Variants in XBP1 observed in about 807,000 individuals in gnomAD.
XBP1 encodes X-box binding protein 1.
A neutral mutation model predicts 34.6 loss-of-function variants in XBP1; 18 were observed. The observed-to-expected ratio is 0.52, with a 90% CI of 0.36 to 0.77. The LOEUF (loss-of-function observed/expected upper bound fraction) is 0.77, where lower values mean the gene tolerates loss of function less well. XBP1 is among the 30% of genes least tolerant of loss of function. The pLI, the probability that XBP1 is intolerant of heterozygous loss-of-function variation, is 0.00. For missense variants in XBP1, 422 were observed against 464.6 expected (o/e 0.91, Z 0.84); for synonymous variants, 191 against 193.4 (o/e 0.99, Z 0.11).
chr22:28,797,426 CTACTAA>C (rs2031771098), intron 2 of XBP1, among the ~76,000 whole-genome samples: 1 of 152,150 alleles, frequency 6.6e-6, no homozygotes, highest in Non-Finnish European at 1.5e-5. Flanking sequence ...CTGCTTCCAA[CTACTAA>C]TACTGACTTC....
rs2031820271 is a variant in XBP1 at position 28,799,332 on chromosome 22, A to G, written c.228-179T>C. On this transcript the variant is annotated intron_variant, in intron 1 of 5. Coordinates refer to ENST00000344347, the Ensembl canonical transcript of XBP1. ...AAATAAAAAATACAGTCTTCTGTCAATCTAGCTCGAAGACCTGCTTTATTC... is the reference window on the plus strand; with the variant it reads ...AAATAAAAAATACAGTCTTCTGTCAGTCTAGCTCGAAGACCTGCTTTATTC... Among the ~76,000 whole-genome samples the G allele has an allele frequency of 5.3e-5, 8 of 152,246 alleles. No homozygotes were observed. The South Asian group carries it at 1.7e-3, about 31-fold the overall frequency.
At chr22:28,798,907 C>G in intron 2 of XBP1, 150 bp downstream of exon 2, 1 of 612,602 alleles carries the variant, frequency 1.6e-6, no homozygotes, top group South Asian at 2.1e-5. Context: ...AGGCATGAGC[C>G]ACCATGCCCA....
chr22:28,800,346 T>C (rs1472775618), exon 1 of XBP1: 3 of 1,549,988 alleles, frequency 1.9e-6, no homozygotes, highest in South Asian at 1.2e-5. Flanking sequence ...GCGCTGTCGC[T>C]TGCGCGCCTG....
exon 6 of XBP1, chr22:28,795,313 G>A (rs1332869158): frequency 9.0e-6 from 14 of 1,551,990 alleles, no homozygotes; most frequent in Non-Finnish European, 1.1e-5. Context: ...CATCCAGTAG[G>A]CAGGAAGATG....
chr22:28,795,207 T>C, exon 6 of XBP1: 1 of 1,526,718 alleles, frequency 6.5e-7, no homozygotes, highest in South Asian at 1.3e-5. Flanking sequence ...AAGAGTTCAT[T>C]GGCAAAAGTG....
At chr22:28,800,309 C>T (rs751894521) in exon 1 of XBP1, 2 of 1,557,278 alleles carry the variant, frequency 1.3e-6, no homozygotes, top group Non-Finnish European at 1.7e-6. Context: ...TCCTCAGCGC[C>T]TTCTCCTCGG....
At chr22:28,795,754 TG>T (rs2031738560) in intron 5 of XBP1, 22 bp from the exon 6 acceptor site, 1 of 1,519,264 alleles carries the variant, frequency 6.6e-7, no homozygotes, top group African/African-American at 1.4e-5. Flanking sequence ...AAAAATTAAA[TG>T]AAGTACAACT....
intron 2 of XBP1, 83 bp downstream of exon 2, chr22:28,798,974 C>A: frequency 8.6e-7 from 1 of 1,164,528 alleles, no homozygotes; most frequent in Non-Finnish European, 1.3e-6. Flanking sequence ...GCTGAAACAA[C>A]TTGGGATGGG....
Position 28,798,964 on chromosome 22 carries a change from G to T in XBP1, c.324+93C>A. On this transcript the variant is annotated intron_variant, in intron 2 of 5. Transcript: ENST00000344347. The stretch of plus-strand genomic sequence containing the variant: ...TATATTCAATTGTATTCTAATAGGG[G>T]CTGAAACAACTTGGGATGGGAAGCA... 2 of 1,011,260 alleles carry T rather than the reference G, an allele frequency of 2.0e-6. 1 individual carries two copies. The allele number at this position is 1,011,260 out of a possible 1,614,324, so 62.6% of individuals were successfully genotyped here.
Position 28,799,888 on chromosome 22 carries a change from C to T in XBP1, c.227+410G>A, listed in dbSNP as rs186060096. 1.8e-3 allele frequency: 1,353 copies of T among 740,464 alleles called. 4 individuals are homozygous for T. Among genetic ancestry groups the T allele is most frequent in the Admixed American group, 5.5e-3 (288 of 52,210 alleles). The allele number at this position is 740,464 out of a possible 1,614,324, so 45.9% of individuals were successfully genotyped here. ...AGTGAGCCTCGCAGAATTCCCAGCCCTTTCAACAGCTCTGTTATTTCAGCT... is the reference window on the plus strand; with the variant it reads ...AGTGAGCCTCGCAGAATTCCCAGCCTTTTCAACAGCTCTGTTATTTCAGCT... On this transcript the variant is annotated intron_variant, in intron 1 of 5. Transcript: ENST00000344347.
intron 1 of XBP1, chr22:28,799,968 C>A (rs765681773): frequency 6.4e-6 from 5 of 779,294 alleles, no homozygotes; most frequent in South Asian, 4.0e-5. Context: ...ACCTCATGTC[C>A]GAGTTAAGAG....
In XBP1 at chr22:28,799,171, A is replaced by T; in HGVS notation, c.228-18T>A. 6.3e-7 allele frequency: 1 copy of T among 1,592,310 alleles called. No individual in the cohort carries two copies. The highest frequency in any genetic ancestry group is 8.6e-7 in the Non-Finnish European group (1 of 1,161,572). ...TCAGTTTCCTAGGAAGAGAAGGAAC[A>T]TACCACACTGAGTCATATCAAACCT... On this transcript the variant is annotated intron_variant, in intron 1 of 5. Coordinates refer to ENST00000344347, the Ensembl canonical transcript of XBP1.
chr22:28,796,324 T>A (rs754616584), intron 3 of XBP1, 132 bp from the exon 4 acceptor site: 5 of 770,470 alleles, frequency 6.5e-6, no homozygotes, highest in Non-Finnish European at 9.6e-6. Context: ...TAGAACTTTA[T>A]TATCTAACAA....
At chr22:28,795,216 T>C (rs868576443) in exon 6 of XBP1, 6 of 1,532,844 alleles carry the variant, frequency 3.9e-6, no homozygotes, top group Admixed American at 4.2e-5. Context: ...TTGGCAAAAG[T>C]GTCCTCCCAA....
Position 28,796,148 on chromosome 22 carries a change from T to G in XBP1, c.498A>C (p.Ala166=). Residue 166 remains alanine, a splice_region_variant and synonymous_variant, in exon 4 of 6, where the codon GCA becomes GCC. Transcript: ENST00000344347. The stretch of plus-strand genomic sequence containing the variant: ...GCTGCAGAGGTGCACGTAGTCTGAG[T>G]GCTGCGGACTCAGCAGACCCGGCCA... The G allele has an allele frequency of 6.2e-7, 1 of 1,609,872 alleles. No homozygotes were observed. Among genetic ancestry groups the G allele is most frequent in the Non-Finnish European group, 8.5e-7 (1 of 1,178,152 alleles).
In XBP1 at chr22:28,796,129, G is replaced by A; in HGVS notation, c.499-8C>T. 1 of 1,613,650 alleles carries A rather than the reference G, an allele frequency of 6.2e-7. No individual in the cohort carries two copies. Among genetic ancestry groups the A allele is most frequent in the Non-Finnish European group, 8.5e-7 (1 of 1,179,718 alleles). On this transcript the variant is annotated splice_polypyrimidine_tract_variant and splice_region_variant and intron_variant, in intron 4 of 5. Transcript: ENST00000344347. ...GACAACTGGGCCTGCACCTGCTGCAGAGGTGCACGTAGTCTGAGTGCTGCG... is the reference window on the plus strand; with the variant it reads ...GACAACTGGGCCTGCACCTGCTGCAAAGGTGCACGTAGTCTGAGTGCTGCG...
chr22:28,795,772 A>C, intron 5 of XBP1, 40 bp from the exon 6 acceptor site: 1 of 1,508,430 alleles, frequency 6.6e-7, no homozygotes, highest in Non-Finnish European at 8.9e-7. Context: ...AACTGTCAGA[A>C]TACAATGGAA....
intron 2 of XBP1, among the ~76,000 whole-genome samples, chr22:28,798,549 T>C (rs1473196514): frequency 6.6e-6 from 1 of 151,876 alleles, no homozygotes; most frequent in African/African-American, 2.4e-5. Flanking sequence ...TCTCAAGTTA[T>C]CTACCCACCT....
At chr22:28,794,931 A>G (rs80010340), downstream of XBP1, 1,883 of 363,970 alleles carry the variant, frequency 5.2e-3, 35 homozygotes, top group African/African-American at 0.036. Context: ...GTACAATCTT[A>G]AAAGCTGTAG....
Sources: gnomAD v4.1 joint callset for allele counts (sites outside exome capture counted in the v4.1 genomes callset) on GRCh38, gnomAD v4.1.1 for gene constraint, MANE v1.5 for transcripts, NCBI Gene and HGNC (gene_info 2026-07-23, HGNC 2026-07-21) for gene names.